Variants in COQ5 observed in about 807,000 individuals in gnomAD.
COQ5 encodes the protein coenzyme Q5, methyltransferase, also known as 2-methoxy-6-polyprenyl-1,4-benzoquinol methylase, mitochondrial.
A neutral mutation model predicts 40.5 loss-of-function variants in COQ5; 27 were observed. The ratio of observed to expected loss-of-function variants is 0.67; its 90% CI spans 0.49 to 0.92. COQ5 has a LOEUF of 0.92. Among genes scored for constraint, COQ5 ranks in the 40% least tolerant of loss-of-function variants. The pLI, the probability that COQ5 is intolerant of heterozygous loss-of-function variation, is 0.00. For synonymous variants in COQ5, 141 were observed against 150.0 expected (o/e 0.94, Z 0.44); for missense variants, 409 against 406.4 (o/e 1.01, Z -0.06).
At chr12:120,505,025 C>A in intron 4 of COQ5, 42 bp from the exon 5 acceptor site, 1 of 1,519,626 alleles carries the variant, frequency 6.6e-7, no homozygotes, top group Non-Finnish European at 9.1e-7. Context: ...CCTCAGTAGA[C>A]CTCACTCAAT....
In COQ5 at chr12:120,516,737, T is replaced by A; in HGVS notation, c.404A>T (p.Lys135Ile). 6.2e-7 allele frequency: 1 copy of A among 1,614,224 alleles called. No homozygotes were observed. Residue 135 changes from lysine to isoleucine, a missense_variant, in exon 3 of 7, where the codon AAA (lysine) becomes ATA (isoleucine). Lys to Ile is a moderately radical substitution (Grantham distance 102). Coordinates refer to ENST00000288532, the MANE Select transcript of COQ5 (RefSeq NM_032314.4). ...TTGGGCCCTTAACTGCCTCTTCTGT[T>A]TTCTCTGATGCTGGGACTGAACATA... The part of the protein sequence containing the change: ...LNYVQSQHQR[K>I]QKRQLRAQQN...
intron 1 of COQ5, among the ~76,000 whole-genome samples, chr12:120,524,841 C>T (rs573339467): frequency 5.9e-5 from 9 of 151,574 alleles, no homozygotes; most frequent in South Asian, 4.2e-4. Flanking sequence ...TTTTTTGGGA[C>T]GGAGTCTTGC....
intron 2 of COQ5, among the ~76,000 whole-genome samples, chr12:120,521,536 C>T (rs186243515): frequency 5.3e-5 from 8 of 152,020 alleles, no homozygotes; most frequent in Non-Finnish European, 1.2e-4. Context: ...ATTAGCCAGG[C>T]GTGGTGGTGC....
At chr12:120,509,619 G>A (rs796194854) in intron 4 of COQ5, among the ~76,000 whole-genome samples, 6 of 152,238 alleles carry the variant, frequency 3.9e-5, no homozygotes, top group African/African-American at 1.4e-4. Context: ...GACTTCTATG[G>A]AGATCAGCTC....
intron 1 of COQ5, among the ~76,000 whole-genome samples, chr12:120,526,190 G>C (rs2137095110): frequency 6.6e-6 from 1 of 152,312 alleles, no homozygotes; most frequent in Non-Finnish European, 1.5e-5. Context: ...ACTGGTCACT[G>C]CATCAGTTAC....
intron 1 of COQ5, 144 bp from the exon 2 acceptor site, chr12:120,522,507 C>A: frequency 3.9e-6 from 3 of 765,896 alleles, no homozygotes; most frequent in Non-Finnish European, 6.9e-6. Context: ...ATGCCCAAAT[C>A]TACACCTTAA....
intron 3 of COQ5, among the ~76,000 whole-genome samples, chr12:120,513,480 C>A (rs752036737): frequency 7.0e-6 from 1 of 142,484 alleles, no homozygotes; most frequent in African/African-American, 2.6e-5. Context: ...CCAGCCTGGG[C>A]GACAGAGCGA....
At chr12:120,522,441 C>G in intron 1 of COQ5, 78 bp from the exon 2 acceptor site, 1 of 1,425,454 alleles carries the variant, frequency 7.0e-7, no homozygotes, top group Non-Finnish European at 9.9e-7. Flanking sequence ...AAGGAGGAAG[C>G]TTTTTTCCCC....
chr12:120,509,138 G>A (rs1390542744), intron 4 of COQ5, among the ~76,000 whole-genome samples: 4 of 152,014 alleles, frequency 2.6e-5, no homozygotes, highest in African/African-American at 9.7e-5. Flanking sequence ...CTTAACCAGA[G>A]GACCCAGGCA....
chr12:120,514,959 A>G (rs890303958), intron 3 of COQ5, among the ~76,000 whole-genome samples: 6 of 151,802 alleles, frequency 4.0e-5, no homozygotes, highest in Non-Finnish European at 8.8e-5. Flanking sequence ...CACCCAGCTA[A>G]TTTTGTATTT....
intron 4 of COQ5, among the ~76,000 whole-genome samples, chr12:120,506,051 C>T (rs1258000404): frequency 6.6e-6 from 1 of 152,078 alleles, no homozygotes; most frequent in Non-Finnish European, 1.5e-5. Context: ...AAAAGGGTTT[C>T]ACCATGTTGG....
rs560685230 is a variant in COQ5, at chr12:120,522,869, G to T, written c.203-506C>A. 1.1e-4 allele frequency: 78 copies of T among 718,640 alleles called. 1 individual carries two copies. The Admixed American group carries it at 1.4e-3, about 13-fold the overall frequency. 44.5% of individuals were successfully genotyped at this position (718,640 alleles called of 1,614,324 possible). ...TGCGGCTGACACCCTTTGGGATCTC[G>T]GGCTTAACCTCCTTGGGCTTTACAA... On this transcript the variant is annotated intron_variant, in intron 1 of 6. Coordinates refer to ENST00000288532, the MANE Select transcript of COQ5 (RefSeq NM_032314.4).
chr12:120,527,699 A>G (rs1196402638), intron 1 of COQ5, among the ~76,000 whole-genome samples: 2 of 151,844 alleles, frequency 1.3e-5, no homozygotes, highest in Admixed American at 1.3e-4. Flanking sequence ...TTGATTATAC[A>G]TTGGCCGGTG....
intron 2 of COQ5, among the ~76,000 whole-genome samples, chr12:120,517,761 ATCCTATT>A: frequency 6.6e-6 from 1 of 151,470 alleles, no homozygotes; most frequent in South Asian, 2.1e-4. Flanking sequence ...GCTTTGTAGA[ATCCTATT>A]TCCTTTCTTT....
chr12:120,527,657 T>C (rs1425493338), intron 1 of COQ5, among the ~76,000 whole-genome samples: 1 of 152,024 alleles, frequency 6.6e-6, no homozygotes, highest in African/African-American at 2.4e-5. Context: ...GTGTGAAATG[T>C]TGATTATACA....
chr12:120,524,354 G>A (rs371305106), intron 1 of COQ5, among the ~76,000 whole-genome samples: 7 of 151,668 alleles, frequency 4.6e-5, no homozygotes, highest in East Asian at 3.9e-4. Context: ...TCTGCCTCCC[G>A]GGTTCACGCC....
At position 120,520,356 on chromosome 12, in the gene COQ5, C is replaced by T. The variant is rs564354446; in HGVS notation, c.352+1858G>A. 2.7e-4 allele frequency among the ~76,000 whole-genome samples: 39 copies of T among 142,362 alleles called. No homozygotes were observed. In the East Asian group the frequency reaches 7.5e-3, roughly 27 times the overall value. 93.4% of individuals were successfully genotyped at this position (142,362 alleles called of 152,430 possible). A position where few individuals can be genotyped will look rare whatever the true frequency, so the allele number is the denominator to read the frequency against. On this transcript the variant is annotated intron_variant, in intron 2 of 6. Transcript: ENST00000288532. ...ATTTTTTTTTTTTGAGACAGAGTCT[C>T]GCTCTGTTGCCCAGGCTGGAGTGTG...
chr12:120,508,153 G>C (rs1051777723), intron 4 of COQ5, among the ~76,000 whole-genome samples: 5 of 151,002 alleles, frequency 3.3e-5, no homozygotes, highest in African/African-American at 1.2e-4. Flanking sequence ...GTGCCGCCAC[G>C]CCCAGCTAAT....
intron 1 of COQ5, 166 bp from the exon 2 acceptor site, chr12:120,522,529 T>A (rs1462747231): frequency 4.4e-6 from 3 of 681,046 alleles, no homozygotes; most frequent in Non-Finnish European, 7.7e-6. Flanking sequence ...ATTACCTCTT[T>A]ATTGATTTAT....
Sources: gnomAD v4.1 joint callset for allele counts (sites outside exome capture counted in the v4.1 genomes callset) on GRCh38, gnomAD v4.1.1 for gene constraint, MANE v1.5 for transcripts, NCBI Gene and HGNC (gene_info 2026-07-23, HGNC 2026-07-21) for gene names.